Variants in WWOX observed in about 807,000 individuals in gnomAD.
WWOX encodes the protein WW domain containing oxidoreductase.
WWOX carries 69 observed loss-of-function variants against 46.2 expected under a neutral mutation model. The observed-to-expected ratio is 1.49, with a 90% CI of 1.23 to 1.82. The LOEUF (loss-of-function observed/expected upper bound fraction) is 1.82, where lower values mean the gene tolerates loss of function less well. WWOX is among the 40% of genes most tolerant of loss of function. The pLI, the probability that WWOX is intolerant of heterozygous loss-of-function variation, is 0.00. For missense variants in WWOX, 919 were observed against 542.6 expected, an observed-to-expected ratio of 1.69 and a Z score of -6.89; for synonymous variants, 359 against 202.6, an observed-to-expected ratio of 1.77 and a Z score of -6.56.
intron 8 of WWOX, among the ~76,000 whole-genome samples, chr16:78,813,752 T>A (rs1472177104): frequency 6.6e-6 from 1 of 152,232 alleles, no homozygotes; most frequent in East Asian, 1.9e-4. Context: ...TTAATTTTGT[T>A]TGTCATATGT....
intron 8 of WWOX, among the ~76,000 whole-genome samples, chr16:79,098,754 T>C (rs1229620891): frequency 6.6e-6 from 1 of 152,210 alleles, no homozygotes; most frequent in Non-Finnish European, 1.5e-5. Flanking sequence ...ATACACTTTG[T>C]TGGAAAGTGG....
chr16:78,421,475 A>G (rs1490641572), intron 6 of WWOX, among the ~76,000 whole-genome samples: 3 of 152,052 alleles, frequency 2.0e-5, no homozygotes. Flanking sequence ...ATCCAAGATG[A>G]TCTCATTTTA....
intron 5 of WWOX, among the ~76,000 whole-genome samples, chr16:78,231,468 TAGTC>T (rs550682287): frequency 9.9e-5 from 15 of 152,154 alleles, no homozygotes; most frequent in African/African-American, 1.4e-4. Context: ...CCATCGAAAA[TAGTC>T]AGCCTGAGTG....
At chr16:78,485,873 A>G (rs900671596) in intron 8 of WWOX, among the ~76,000 whole-genome samples, 26 of 152,208 alleles carry the variant, frequency 1.7e-4, no homozygotes, top group Non-Finnish European at 4.4e-5. Context: ...GTCAGCATGG[A>G]TCACTTGGCG....
At chr16:78,573,151 G>C (rs1597287999) in intron 8 of WWOX, among the ~76,000 whole-genome samples, 1 of 152,150 alleles carries the variant, frequency 6.6e-6, no homozygotes, top group Non-Finnish European at 1.5e-5. Context: ...CAGGCATGGT[G>C]GCGGGGTGCC....
intron 5 of WWOX, among the ~76,000 whole-genome samples, chr16:78,331,768 T>C (rs11150060): frequency 0.11 from 16,402 of 152,292 alleles, 1,115 homozygotes; most frequent in East Asian, 0.23. Context: ...AATAGTATTT[T>C]ACGAAGTGCC....
At chr16:78,947,739 G>C (rs1044761164) in intron 8 of WWOX, among the ~76,000 whole-genome samples, 1 of 152,196 alleles carries the variant, frequency 6.6e-6, no homozygotes, top group African/African-American at 2.4e-5. Flanking sequence ...GTGCCACCTA[G>C]ATGCTATTTA....
At chr16:78,824,308 G>C (rs2051587928) in intron 8 of WWOX, among the ~76,000 whole-genome samples, 1 of 152,030 alleles carries the variant, frequency 6.6e-6, no homozygotes, top group Non-Finnish European at 1.5e-5. Flanking sequence ...AATTTTTATT[G>C]ACTCAAATGT....
At chr16:79,022,829 C>T (rs72793702) in intron 8 of WWOX, among the ~76,000 whole-genome samples, 2 of 152,190 alleles carry the variant, frequency 1.3e-5, no homozygotes, top group Non-Finnish European at 2.9e-5. Context: ...CGAAAGGGCT[C>T]AGCTTCTGCA....
chr16:78,580,571 G>A (rs1287626285), intron 8 of WWOX, among the ~76,000 whole-genome samples: 1 of 152,120 alleles, frequency 6.6e-6, no homozygotes, highest in Non-Finnish European at 1.5e-5. Flanking sequence ...ACACAGAAAG[G>A]ATTTCTTTAT....
Position 78,875,572 on chromosome 16 carries a change from C to G in WWOX, c.1057-336036C>G, listed in dbSNP as rs2656631. Among the ~76,000 whole-genome samples the G allele has an allele frequency of 8.2e-3, 1,247 of 152,332 alleles. 5 individuals are homozygous for G. Among genetic ancestry groups the G allele is most frequent in the Admixed American group, 0.013 (195 of 15,298 alleles). On this transcript the variant is annotated intron_variant, in intron 8 of 8. Transcript: ENST00000566780. ...GCTATATGGAATTCACTTTGCCTCT[C>G]TTCCCGACTCTTCATATCCCTTATC...
intron 8 of WWOX, among the ~76,000 whole-genome samples, chr16:78,801,869 C>G (rs1489668181): frequency 6.6e-6 from 1 of 151,968 alleles, no homozygotes; most frequent in Non-Finnish European, 1.5e-5. Context: ...TTGTTGAGTC[C>G]GATTGTCCTG....
At chr16:79,029,807 A>G (rs2047717859) in intron 8 of WWOX, among the ~76,000 whole-genome samples, 2 of 152,226 alleles carry the variant, frequency 1.3e-5, no homozygotes, top group African/African-American at 2.4e-5. Flanking sequence ...CTCTCCCGCT[A>G]GTATAAAGAC....
intron 8 of WWOX, among the ~76,000 whole-genome samples, chr16:78,794,919 C>A (rs78125873): frequency 0.046 from 6,938 of 152,268 alleles, 200 homozygotes; most frequent in Middle Eastern, 0.11. Flanking sequence ...TAGCCCTGTG[C>A]CTGGCATACT....
intron 8 of WWOX, among the ~76,000 whole-genome samples, chr16:78,875,075 C>G (rs1257392845): frequency 6.6e-6 from 1 of 152,134 alleles, no homozygotes; most frequent in Non-Finnish European, 1.5e-5. Flanking sequence ...ACTCAACAAG[C>G]TAGCTCTTCC....
intron 6 of WWOX, among the ~76,000 whole-genome samples, chr16:78,395,065 G>A (rs575694933): frequency 1.3e-5 from 2 of 152,288 alleles, no homozygotes; most frequent in African/African-American, 4.8e-5. Flanking sequence ...TGGGGCTATT[G>A]GTAATATGCA....
At chr16:79,084,260 C>G (rs1392390628) in intron 8 of WWOX, among the ~76,000 whole-genome samples, 1 of 152,114 alleles carries the variant, frequency 6.6e-6, no homozygotes, top group Non-Finnish European at 1.5e-5. Flanking sequence ...AGGACACTGA[C>G]TGTGCTAGAG....
chr16:78,598,592 ACCT>A (rs1390978053), intron 8 of WWOX, among the ~76,000 whole-genome samples: 5 of 152,000 alleles, frequency 3.3e-5, no homozygotes, highest in Admixed American at 6.6e-5. Flanking sequence ...ACGCCAACAC[ACCT>A]CCTGGCTTGG....
intron 8 of WWOX, among the ~76,000 whole-genome samples, chr16:78,701,956 G>A (rs2048226088): frequency 7.0e-6 from 1 of 142,082 alleles, no homozygotes; most frequent in South Asian, 2.2e-4. Flanking sequence ...AGGCCGAGAT[G>A]GGAGGATCAT....
Sources: allele counts gnomAD v4.1 joint callset (sites outside exome capture counted in the v4.1 genomes callset), GRCh38; gene constraint gnomAD v4.1.1; transcripts MANE v1.5; gene names NCBI Gene and HGNC (gene_info 2026-07-23, HGNC 2026-07-21).